Variants in TMEM178B observed in about 807,000 individuals in gnomAD.
TMEM178B encodes the protein transmembrane protein 178B.
Under a neutral mutation model 31.0 loss-of-function variants are expected in TMEM178B, and 5 were observed. The observed-to-expected ratio is 0.16, with a 90% CI of 0.08 to 0.34. TMEM178B has a LOEUF of 0.34. Among genes scored for constraint, TMEM178B ranks in the 10% least tolerant of loss-of-function variants. TMEM178B has a pLI of 1.00. For missense variants in TMEM178B, 275 were observed against 400.3 expected (o/e 0.69, Z 2.67); for synonymous variants, 164 against 164.0 (o/e 1.00, Z 0.00).
chr7:141,387,690 T>C (rs894011822), intron 2 of TMEM178B, among the ~76,000 whole-genome samples: 2 of 152,176 alleles, frequency 1.3e-5, no homozygotes, highest in African/African-American at 4.8e-5. Context: ...CCCGTTCCTG[T>C]CACCCGGTGG....
intron 1 of TMEM178B, among the ~76,000 whole-genome samples, chr7:141,136,361 A>G (rs1443737280): frequency 1.3e-5 from 2 of 152,190 alleles, no homozygotes; most frequent in East Asian, 1.9e-4. Flanking sequence ...ATGTCTCACC[A>G]TATACAAAAA....
At chr7:141,355,126 C>T (rs898803653) in intron 2 of TMEM178B, among the ~76,000 whole-genome samples, 1 of 152,178 alleles carries the variant, frequency 6.6e-6, no homozygotes, top group Non-Finnish European at 1.5e-5. Flanking sequence ...GGATGAAGGG[C>T]TGTCCCTTGG....
At chr7:141,510,251 TAAC>T in the TMEM178B span, among the ~76,000 whole-genome samples, 1 of 152,116 alleles carries the variant, frequency 6.6e-6, no homozygotes. Context: ...GAAGATAAGA[TAAC>T]TCCCTTGTGT....
At chr7:141,369,744 T>C (rs961279446) in intron 2 of TMEM178B, among the ~76,000 whole-genome samples, 5 of 152,294 alleles carry the variant, frequency 3.3e-5, no homozygotes, top group Non-Finnish European at 5.9e-5. Flanking sequence ...CAGTGGGTCA[T>C]TCCTTCTGTC....
chr7:141,253,544 C>CTTTTTTTT (rs34199017), intron 2 of TMEM178B, among the ~76,000 whole-genome samples: 80 of 70,022 alleles, frequency 1.1e-3, no homozygotes, highest in Non-Finnish European at 1.4e-3. Flanking sequence ...ATTTTCCCTT[C>CTTTTTTTT]TTTTTTTTTT....
At chr7:141,196,770 G>A (rs1796789987) in intron 1 of TMEM178B, among the ~76,000 whole-genome samples, 1 of 152,172 alleles carries the variant, frequency 6.6e-6, no homozygotes, top group South Asian at 2.1e-4. Context: ...ATGTGTGGAG[G>A]AGATGTGCTG....
intron 2 of TMEM178B, among the ~76,000 whole-genome samples, chr7:141,378,322 C>T (rs1167509456): frequency 6.6e-6 from 1 of 152,170 alleles, no homozygotes; most frequent in African/African-American, 2.4e-5. Context: ...CCAGACCCCT[C>T]CACTACTTTT....
intron 2 of TMEM178B, among the ~76,000 whole-genome samples, chr7:141,334,483 T>C (rs1799350366): frequency 6.6e-6 from 1 of 152,164 alleles, no homozygotes; most frequent in Admixed American, 6.5e-5. Context: ...ACACTTGCAG[T>C]CATGTATCTG....
intron 2 of TMEM178B, among the ~76,000 whole-genome samples, chr7:141,369,420 C>A (rs369204099): frequency 1.3e-5 from 2 of 151,266 alleles, no homozygotes; most frequent in Admixed American, 6.6e-5. Context: ...AGGTAAAATT[C>A]TGTTGATCTC....
chr7:141,465,183 C>T (rs1417440185), intron 3 of TMEM178B, among the ~76,000 whole-genome samples: 1 of 152,172 alleles, frequency 6.6e-6, no homozygotes, highest in African/African-American at 2.4e-5. Context: ...GGGATGCATA[C>T]GGACTCTTTT....
chr7:141,402,065 A>G (rs927893001), intron 2 of TMEM178B, among the ~76,000 whole-genome samples: 1 of 152,202 alleles, frequency 6.6e-6, no homozygotes, highest in East Asian at 1.9e-4. Flanking sequence ...TGAATGCTGC[A>G]GCGTGTAAGG....
intron 1 of TMEM178B, among the ~76,000 whole-genome samples, chr7:141,111,325 A>G (rs888499170): frequency 6.6e-6 from 1 of 152,166 alleles, no homozygotes; most frequent in African/African-American, 2.4e-5. Context: ...AGATTTGGTT[A>G]CCTCCCACTG....
At chr7:141,379,592 C>A (rs1217537536) in intron 2 of TMEM178B, among the ~76,000 whole-genome samples, 1 of 152,174 alleles carries the variant, frequency 6.6e-6, no homozygotes, top group Non-Finnish European at 1.5e-5. Flanking sequence ...TATTTTTAAT[C>A]CTAGGCCTTG....
At chr7:141,457,532 T>A (rs1801987490) in intron 3 of TMEM178B, among the ~76,000 whole-genome samples, 1 of 152,156 alleles carries the variant, frequency 6.6e-6, no homozygotes, top group Non-Finnish European at 1.5e-5. Flanking sequence ...AATGGCTTCC[T>A]CATAAGAAAG....
At chr7:141,209,732 A>C (rs1797022463) in intron 1 of TMEM178B, among the ~76,000 whole-genome samples, 1 of 152,148 alleles carries the variant, frequency 6.6e-6, no homozygotes, top group Non-Finnish European at 1.5e-5. Flanking sequence ...GCTGGGGTGC[A>C]ATCTAGATGC....
intron 2 of TMEM178B, among the ~76,000 whole-genome samples, chr7:141,262,687 G>C (rs999112907): frequency 1.3e-5 from 2 of 152,088 alleles, no homozygotes; most frequent in Non-Finnish European, 2.9e-5. Context: ...AGAATTTACT[G>C]TCTAAGCAAC....
At chr7:141,375,605 C>A (rs1336240143) in intron 2 of TMEM178B, among the ~76,000 whole-genome samples, 14 of 152,158 alleles carry the variant, frequency 9.2e-5, no homozygotes. Context: ...GGTTCTTCCA[C>A]CATTTTCTGT....
chr7:141,369,554 C>A (rs1440592496), intron 2 of TMEM178B, among the ~76,000 whole-genome samples: 3 of 152,188 alleles, frequency 2.0e-5, no homozygotes, highest in East Asian at 3.9e-4. Flanking sequence ...GTGGAAAATT[C>A]AAAGGAAGGT....
At chr7:141,421,528 C>T (rs1220946606) in intron 2 of TMEM178B, among the ~76,000 whole-genome samples, 1 of 152,186 alleles carries the variant, frequency 6.6e-6, no homozygotes, top group African/African-American at 2.4e-5. Flanking sequence ...AAAGCGTGGG[C>T]CTTGGTTGGA....
Sources: allele counts gnomAD v4.1 joint callset (sites outside exome capture counted in the v4.1 genomes callset), GRCh38; gene constraint gnomAD v4.1.1; transcripts MANE v1.5; gene names NCBI Gene and HGNC (gene_info 2026-07-23, HGNC 2026-07-21).